Variants in NRF1 observed in about 807,000 individuals in gnomAD.
The protein encoded by NRF1 is nuclear respiratory factor 1, also known as alpha palindromic-binding protein.
NRF1 carries 5 observed loss-of-function variants against 58.5 expected under a neutral mutation model. The ratio of observed to expected loss-of-function variants is 0.09; its 90% CI spans 0.04 to 0.18. NRF1 has a LOEUF of 0.18. Ranked by LOEUF, NRF1 falls within the 10% of genes least tolerant of loss-of-function variation. The probability of loss-of-function intolerance (pLI) is 1.00; values close to 1 mark genes in which losing one functional copy is unlikely to be tolerated. For synonymous variants in NRF1, 224 were observed against 246.7 expected (o/e 0.91, Z 0.86); for missense variants, 288 against 657.7 (o/e 0.44, Z 6.15).
At chr7:129,720,665 C>T (rs1803302010) in intron 9 of NRF1, among the ~76,000 whole-genome samples, 2 of 152,098 alleles carry the variant, frequency 1.3e-5, no homozygotes, top group African/African-American at 4.8e-5. Context: ...AATAAGGAGG[C>T]AGAGGGGCTC....
intron 10 of NRF1, among the ~76,000 whole-genome samples, chr7:129,754,668 GA>G (rs1002401134): frequency 3.9e-4 from 59 of 152,050 alleles, no homozygotes; most frequent in South Asian, 1.2e-3. Flanking sequence ...TGTGTTTCAA[GA>G]TAGCTAGATT....
At chr7:129,654,329 T>C (rs1482312894) in intron 1 of NRF1, among the ~76,000 whole-genome samples, 1 of 152,208 alleles carries the variant, frequency 6.6e-6, no homozygotes, top group African/African-American at 2.4e-5. Context: ...TTTCTTATTG[T>C]TGAGTTTTTA....
At chr7:129,738,349 C>T (rs2402969) in intron 10 of NRF1, among the ~76,000 whole-genome samples, 137,042 of 152,262 alleles carry the variant, frequency 0.9, 61,710 homozygotes, top group East Asian at 0.93. Context: ...AGCTGGGAGC[C>T]GGCGGCTTTT....
intron 9 of NRF1, among the ~76,000 whole-genome samples, chr7:129,721,343 C>G (rs1803317516): frequency 6.6e-6 from 1 of 151,976 alleles, no homozygotes; most frequent in African/African-American, 2.4e-5. Flanking sequence ...CTACTGTGTG[C>G]AGGGCTGTGA....
At chr7:129,675,151 A>G (rs1217538883) in intron 3 of NRF1, among the ~76,000 whole-genome samples, 1 of 152,232 alleles carries the variant, frequency 6.6e-6, no homozygotes, top group Non-Finnish European at 1.5e-5. Context: ...GCTCATCAAT[A>G]AGAAGCACCT....
At chr7:129,634,057 T>TACACAC (rs1394350250) in intron 1 of NRF1, among the ~76,000 whole-genome samples, 42 of 114,462 alleles carry the variant, frequency 3.7e-4, no homozygotes, top group African/African-American at 1.3e-3. Context: ...TATATATATA[T>TACACAC]ATATACACAC....
rs150215090 is a variant in NRF1, at chr7:129,705,479, C to T, written c.607-3596C>T. ...CTAATTTTTGTATTTTTAGTAAAGA[C>T]GGTGTTTCACCATGTTGGCCAGGTG... On this transcript the variant is annotated intron_variant, in intron 5 of 10. Transcript: ENST00000393232. Among the ~76,000 whole-genome samples the T allele has an allele frequency of 1.6e-4, 24 of 152,198 alleles. 1 individual carries two copies. In the East Asian group the frequency reaches 3.7e-3, roughly 23 times the overall value.
chr7:129,724,278 C>T (rs547946628), intron 9 of NRF1, among the ~76,000 whole-genome samples: 2 of 152,128 alleles, frequency 1.3e-5, no homozygotes, highest in African/African-American at 2.4e-5. Flanking sequence ...ATGCAGATGG[C>T]CAATAAGCAC....
intron 1 of NRF1, among the ~76,000 whole-genome samples, chr7:129,615,038 A>T (rs901003901): frequency 6.6e-6 from 1 of 152,230 alleles, no homozygotes; most frequent in Non-Finnish European, 1.5e-5. Context: ...GGCATTCAGT[A>T]AAGTTGAAGA....
At chr7:129,701,737 G>A (rs1193626073) in intron 5 of NRF1, among the ~76,000 whole-genome samples, 3 of 152,150 alleles carry the variant, frequency 2.0e-5, no homozygotes, top group African/African-American at 7.2e-5. Flanking sequence ...GTGTTAAAAT[G>A]TTAAATCCAT....
In NRF1 at chr7:129,690,334, C is replaced by T. The variant is rs914460190; in HGVS notation, c.466-72C>T. 1.3e-5 allele frequency: 20 copies of T among 1,534,682 alleles called. No homozygotes were observed. The East Asian group carries it at 2.1e-4, about 16-fold the overall frequency. ...CTCAGGAAGGCCAGCCCCACCCACT[C>T]TCTTGTTGCTTGGCACCAATCCTCC... On this transcript the variant is annotated intron_variant, in intron 4 of 10. Coordinates refer to ENST00000393232, the MANE Select transcript of NRF1 (RefSeq NM_005011.5).
chr7:129,679,795 C>G (rs545233737), intron 4 of NRF1, among the ~76,000 whole-genome samples: 1 of 151,680 alleles, frequency 6.6e-6, no homozygotes, highest in Non-Finnish European at 1.5e-5. Flanking sequence ...CAGTGGCTCA[C>G]GCCTGTAATC....
chr7:129,727,227 TC>T lies in NRF1; in HGVS notation c.1224-12del, dbSNP rs780031577. 15 of 1,585,584 alleles carry T rather than the reference TC, an allele frequency of 9.5e-6. No homozygotes were observed. Among genetic ancestry groups the T allele is most frequent in the South Asian group, 2.3e-5 (2 of 86,496 alleles). On this transcript the variant is annotated splice_polypyrimidine_tract_variant and intron_variant, in intron 9 of 10. Transcript: ENST00000393232. ...CTCTATTCATCATCCTCTCTCCTGT[TC>T]CTGTGCCCGCAGCGAAGCTGCCGCC...
chr7:129,755,234 C>A lies in NRF1; in HGVS notation c.*53C>A. The A allele has an allele frequency of 6.9e-7, 1 of 1,445,550 alleles. No individual in the cohort carries two copies. The highest frequency in any genetic ancestry group is 9.2e-7 in the Non-Finnish European group (1 of 1,082,462). 89.5% of individuals were successfully genotyped at this position (1,445,550 alleles called of 1,614,324 possible). On this transcript the variant is annotated 3_prime_UTR_variant, in exon 11 of 11. Coordinates refer to ENST00000393232, the MANE Select transcript of NRF1 (RefSeq NM_005011.5). This position sits in a 1 kb window ranked among gnomAD's most constrained non-coding sequence, Gnocchi z 5.8. ...CTAGTCTACTTCAAAATTTTTTACA[C>A]GTTTGCAGAGGTGCAATCAAATGGA...
At chr7:129,619,433 T>TATACACACACACAC (rs1554401492) in intron 1 of NRF1, among the ~76,000 whole-genome samples, 9 of 65,866 alleles carry the variant, frequency 1.4e-4, no homozygotes, top group African/African-American at 5.8e-4. Flanking sequence ...TATATATATA[T>TATACACACACACAC]ACACACACAC....
intron 1 of NRF1, chr7:129,641,796 C>T (rs1801294285): frequency 6.6e-6 from 1 of 152,204 alleles, no homozygotes; most frequent in Non-Finnish European, 1.5e-5. Context: ...TCTACTGCCT[C>T]AGCCTCCCGA....
At chr7:129,632,480 T>C (rs557338324) in intron 1 of NRF1, among the ~76,000 whole-genome samples, 3 of 152,240 alleles carry the variant, frequency 2.0e-5, no homozygotes, top group Admixed American at 2.0e-4. Context: ...ACCTACTACC[T>C]AAAGTAATAA....
At chr7:129,746,918 C>T (rs1355087113) in intron 10 of NRF1, among the ~76,000 whole-genome samples, 1 of 152,236 alleles carries the variant, frequency 6.6e-6, no homozygotes, top group East Asian at 1.9e-4. Flanking sequence ...CCTTGGAAGG[C>T]CTTCAGGCTG....
rs76625137 is a variant in NRF1, at chr7:129,650,223, C to T, written c.-6-7123C>T. ...TGACTAATCTGCTGAACACCACTGGCTCTGGGTGATAGGTATGCTGTTTTA... is the reference window on the plus strand; with the variant it reads ...TGACTAATCTGCTGAACACCACTGGTTCTGGGTGATAGGTATGCTGTTTTA... On this transcript the variant is annotated intron_variant, in intron 1 of 10. Coordinates refer to ENST00000393232, the MANE Select transcript of NRF1 (RefSeq NM_005011.5). 3.1e-3 allele frequency among the ~76,000 whole-genome samples: 470 copies of T among 149,756 alleles called. 4 individuals are homozygous for T. Among genetic ancestry groups the T allele is most frequent in the Middle Eastern group, 0.021 (6 of 292 alleles).
Sources: allele counts gnomAD v4.1 joint callset (sites outside exome capture counted in the v4.1 genomes callset), GRCh38; gene constraint gnomAD v4.1.1; non-coding constraint Gnocchi (gnomAD v3.1); transcripts MANE v1.5; gene names NCBI Gene and HGNC (gene_info 2026-07-23, HGNC 2026-07-21).